Variants in PCDH9 observed in about 807,000 individuals in gnomAD.
PCDH9 encodes the protein protocadherin-9.
PCDH9 carries 24 observed loss-of-function variants against 70.6 expected under a neutral mutation model. That is an observed-to-expected ratio of 0.34 (90% confidence interval 0.25 to 0.48). The LOEUF (loss-of-function observed/expected upper bound fraction) is 0.48, where lower values mean the gene tolerates loss of function less well. Ranked by LOEUF, PCDH9 falls within the 20% of genes least tolerant of loss-of-function variation. PCDH9 has a pLI of 0.99. For missense variants in PCDH9, 1,281 were observed against 1,503.6 expected (o/e 0.85, Z 2.45); for synonymous variants, 562 against 558.5 (o/e 1.01, Z -0.09).
chr13:67,191,751 G>C (rs529034807), intron 2 of PCDH9, among the ~76,000 whole-genome samples: 2 of 151,820 alleles, frequency 1.3e-5, no homozygotes, highest in African/African-American at 4.8e-5. Flanking sequence ...CCCTGTCTCC[G>C]GCCCCTCCCA....
intron 2 of PCDH9, among the ~76,000 whole-genome samples, chr13:67,154,861 A>G (rs1410990355): frequency 6.6e-6 from 1 of 151,522 alleles, no homozygotes; most frequent in African/African-American, 2.4e-5. Context: ...GTGTCACCAC[A>G]CCCAGCAAAT....
chr13:66,851,226 C>A (rs1486181554), intron 3 of PCDH9, among the ~76,000 whole-genome samples: 2 of 152,024 alleles, frequency 1.3e-5, no homozygotes, highest in Non-Finnish European at 1.5e-5. Flanking sequence ...AATATTTCAA[C>A]CTATTAGAGA....
At chr13:66,807,398 C>A (rs959991202) in intron 3 of PCDH9, among the ~76,000 whole-genome samples, 2 of 152,072 alleles carry the variant, frequency 1.3e-5, no homozygotes, top group African/African-American at 2.4e-5. Context: ...TTGAAATAAT[C>A]AAACTCCGGT....
chr13:66,680,222 C>G (rs1392234994), intron 3 of PCDH9, among the ~76,000 whole-genome samples: 1 of 151,956 alleles, frequency 6.6e-6, no homozygotes, highest in East Asian at 1.9e-4. Flanking sequence ...CAGAAAGCAA[C>G]TGAAACAATA....
chr13:67,195,412 G>A (rs1459920178), intron 2 of PCDH9, among the ~76,000 whole-genome samples: 3 of 152,018 alleles, frequency 2.0e-5, no homozygotes, highest in Non-Finnish European at 4.4e-5. Context: ...CAAAGTGCTG[G>A]GATTACAGGC....
intron 2 of PCDH9, among the ~76,000 whole-genome samples, chr13:67,117,472 T>C (rs2086800574): frequency 6.6e-6 from 1 of 152,144 alleles, no homozygotes; most frequent in African/African-American, 2.4e-5. Flanking sequence ...TGATGAGTTC[T>C]AAATATAAAC....
chr13:67,101,455 G>A (rs1444271330), intron 2 of PCDH9, among the ~76,000 whole-genome samples: 4 of 152,180 alleles, frequency 2.6e-5, no homozygotes, highest in South Asian at 4.1e-4. Context: ...TTGCTTAGTT[G>A]CCAGTGAAGT....
chr13:66,447,794 A>T (rs1370875537), intron 4 of PCDH9, among the ~76,000 whole-genome samples: 1 of 152,214 alleles, frequency 6.6e-6, no homozygotes, highest in Non-Finnish European at 1.5e-5. Flanking sequence ...ATTAAATTTA[A>T]TGTTGCAAGG....
chr13:66,935,388 G>A (rs2082899674), intron 2 of PCDH9, among the ~76,000 whole-genome samples: 1 of 152,076 alleles, frequency 6.6e-6, no homozygotes, highest in Non-Finnish European at 1.5e-5. Flanking sequence ...AGCACTTAAG[G>A]TAAGCAAAGT....
In PCDH9 at chr13:67,133,190, G is replaced by A. The variant is rs180723776; in HGVS notation, c.3036+92215C>T. 3.7e-4 allele frequency among the ~76,000 whole-genome samples: 57 copies of A among 152,162 alleles called. 2 individuals carry two copies. Among genetic ancestry groups the A allele is most frequent in the Admixed American group, 3.4e-3 (52 of 15,244 alleles). On this transcript the variant is annotated intron_variant, in intron 2 of 4. Coordinates refer to ENST00000377865, the MANE Select transcript of PCDH9 (RefSeq NM_203487.3). ...AAAATATAAAATAAATTTGACATGT[G>A]ACTTCTGGAGATATCTATGACAAAA...
intron 2 of PCDH9, among the ~76,000 whole-genome samples, chr13:66,927,182 A>G (rs1344892932): frequency 6.6e-6 from 1 of 152,092 alleles, no homozygotes. Context: ...GGCTGCCATA[A>G]TGAAGTCCCA....
intron 4 of PCDH9, among the ~76,000 whole-genome samples, chr13:66,391,113 G>A (rs971724420): frequency 6.6e-6 from 1 of 152,140 alleles, no homozygotes; most frequent in African/African-American, 2.4e-5. Flanking sequence ...TTTTAACAGT[G>A]CTCTGTTACT....
At chr13:66,511,555 T>C (rs915692771) in intron 4 of PCDH9, among the ~76,000 whole-genome samples, 4 of 152,104 alleles carry the variant, frequency 2.6e-5, no homozygotes, top group African/African-American at 9.7e-5. Context: ...ATAACTGATC[T>C]AGTGTGGATG....
chr13:66,609,633 CTG>C (rs904130668), intron 4 of PCDH9, among the ~76,000 whole-genome samples: 8 of 151,964 alleles, frequency 5.3e-5, no homozygotes, highest in Non-Finnish European at 1.5e-5. Context: ...AATTTTAACA[CTG>C]TTTATTCAAT....
intron 3 of PCDH9, among the ~76,000 whole-genome samples, chr13:66,862,438 T>C (rs185571633): frequency 7.9e-5 from 12 of 152,286 alleles, no homozygotes; most frequent in Admixed American, 7.8e-4. Context: ...GAGCACCTAT[T>C]TCCCTGTTAT....
intron 4 of PCDH9, among the ~76,000 whole-genome samples, chr13:66,563,548 C>A (rs1281457950): frequency 1.3e-5 from 2 of 152,134 alleles, no homozygotes; most frequent in Non-Finnish European, 2.9e-5. Context: ...AACCTGATCT[C>A]CTTATTTCCA....
At chr13:66,452,648 C>T (rs192394713) in intron 4 of PCDH9, among the ~76,000 whole-genome samples, 2 of 152,094 alleles carry the variant, frequency 1.3e-5, no homozygotes, top group East Asian at 1.9e-4. Flanking sequence ...TTCTATGACA[C>T]CATTCTCCTG....
intron 2 of PCDH9, among the ~76,000 whole-genome samples, chr13:67,166,385 TC>T (rs1236280526): frequency 1.3e-5 from 2 of 152,198 alleles, no homozygotes; most frequent in Non-Finnish European, 2.9e-5. Flanking sequence ...ATCCTTTTGA[TC>T]GGAAGCCTGA....
intron 3 of PCDH9, among the ~76,000 whole-genome samples, chr13:66,780,835 G>A (rs1001889210): frequency 3.3e-5 from 5 of 152,106 alleles, no homozygotes; most frequent in Admixed American, 6.6e-5. Context: ...TCTAGCACGT[G>A]GTAGGTATTC....
Sources: gnomAD v4.1 joint callset for allele counts (sites outside exome capture counted in the v4.1 genomes callset) on GRCh38, gnomAD v4.1.1 for gene constraint, MANE v1.5 for transcripts, NCBI Gene and HGNC (gene_info 2026-07-23, HGNC 2026-07-21) for gene names.